CHST9: variants seen among roughly 807,000 people sequenced by gnomAD.
CHST9 encodes GalNAc-4-sulfotransferase 2.
A neutral mutation model predicts 44.4 loss-of-function variants in CHST9; 41 were observed. The ratio of observed to expected loss-of-function variants is 0.92; its 90% CI spans 0.72 to 1.20. The LOEUF is 1.20. Ranked by LOEUF, CHST9 falls within the 50% of genes most tolerant of loss-of-function variation. The pLI, the probability that CHST9 is intolerant of heterozygous loss-of-function variation, is 0.00. For synonymous variants in CHST9, 171 were observed against 178.4 expected, an observed-to-expected ratio of 0.96 and a Z score of 0.33; for missense variants, 504 against 516.5, an observed-to-expected ratio of 0.98 and a Z score of 0.23.
intron 2 of CHST9, among the ~76,000 whole-genome samples, chr18:27,085,849 C>G (rs1162478496): frequency 6.6e-6 from 1 of 152,102 alleles, no homozygotes; most frequent in East Asian, 1.9e-4. Context: ...TTCACACTAG[C>G]AAAGACATGA....
In CHST9 at chr18:26,946,071, G is replaced by A. The variant is rs371985289; in HGVS notation, c.203-1705C>T. On this transcript the variant is annotated intron_variant, in intron 4 of 5. Coordinates refer to ENST00000618847, the MANE Select transcript of CHST9 (RefSeq NM_031422.6). Reference sequence around the variant, plus strand: ...GATGCCTGGGGCCAGTCTCAGACTCGCCAGATAATAAGAATCAATTTTCTT... The same window carrying A: ...GATGCCTGGGGCCAGTCTCAGACTCACCAGATAATAAGAATCAATTTTCTT... Among the ~76,000 whole-genome samples the A allele has an allele frequency of 2.4e-4, 36 of 152,230 alleles. No homozygotes were observed. In the East Asian group the frequency reaches 5.4e-3, roughly 23 times the overall value.
In CHST9 at chr18:27,020,074, G is replaced by T. The variant is rs8094555; in HGVS notation, c.202+4042C>A. On this transcript the variant is annotated intron_variant, in intron 4 of 5. Coordinates refer to ENST00000618847, the MANE Select transcript of CHST9 (RefSeq NM_031422.6). ...GCAGAAATAAAATGGGAGTTGTAGA[G>T]GGCACTGGCGGGGGTGGGTGTCTGG... is the stretch of plus-strand genomic sequence containing the variant. Among the ~76,000 whole-genome samples the T allele has an allele frequency of 7.8e-3, 1,183 of 152,324 alleles. 19 individuals are homozygous for T. The highest frequency in any genetic ancestry group is 0.027 in the African/African-American group (1,127 of 41,564).
intron 2 of CHST9, among the ~76,000 whole-genome samples, chr18:27,079,731 T>C (rs1447580644): frequency 6.6e-6 from 1 of 152,032 alleles, no homozygotes. Flanking sequence ...CTACCGTGAG[T>C]GGGCAGGGTT....
chr18:27,106,057 A>G (rs1673693314), intron 2 of CHST9, among the ~76,000 whole-genome samples: 1 of 152,202 alleles, frequency 6.6e-6, no homozygotes, highest in Non-Finnish European at 1.5e-5. Context: ...GTGTAGAGGA[A>G]GAATGTAACT....
intron 1 of CHST9, among the ~76,000 whole-genome samples, chr18:27,146,822 G>T (rs1421969926): frequency 1.3e-5 from 2 of 152,040 alleles, no homozygotes; most frequent in Non-Finnish European, 2.9e-5. Context: ...AGATAGGGTC[G>T]ATGTTTCTTT....
Position 27,145,637 on chromosome 18 carries a change from G to C in CHST9, c.-96-2732C>G, listed in dbSNP as rs373781460. ...TTTAACATTTCACTAGTGCTTTTGA[G>C]GATTTCAGACATTTCCTTGATTCAG... On this transcript the variant is annotated intron_variant, in intron 1 of 5. Transcript: ENST00000618847. 7.9e-5 allele frequency among the ~76,000 whole-genome samples: 12 copies of C among 152,248 alleles called. No individual in the cohort carries two copies. The South Asian group carries it at 2.3e-3, about 29-fold the overall frequency.
chr18:27,040,161 C>T (rs1033526466), intron 3 of CHST9, among the ~76,000 whole-genome samples: 8 of 152,024 alleles, frequency 5.3e-5, no homozygotes, highest in East Asian at 1.9e-4. Flanking sequence ...CTAGGGTAGA[C>T]GGACATTTGC....
At chr18:26,925,873 GT>G (rs1222490101) in intron 5 of CHST9, 5 of 152,032 alleles carry the variant, frequency 3.3e-5, no homozygotes, top group Non-Finnish European at 5.9e-5. Flanking sequence ...GTAAGTATTT[GT>G]TTTTTATTCT....
intron 5 of CHST9, among the ~76,000 whole-genome samples, chr18:26,927,764 A>T (rs1261933708): frequency 1.3e-5 from 2 of 150,142 alleles, no homozygotes; most frequent in Admixed American, 6.7e-5. Context: ...CCTTCCTCTT[A>T]TCTCAACTGC....
intron 2 of CHST9, among the ~76,000 whole-genome samples, chr18:27,101,355 G>T (rs2058169351): frequency 6.6e-6 from 1 of 152,134 alleles, no homozygotes; most frequent in Admixed American, 6.5e-5. Flanking sequence ...ACTTTGGGAG[G>T]CCGAGGCGGG....
At chr18:26,991,677 A>ATACC (rs2056818594) in intron 4 of CHST9, among the ~76,000 whole-genome samples, 1 of 67,068 alleles carries the variant, frequency 1.5e-5, no homozygotes, top group Non-Finnish European at 4.1e-5. Flanking sequence ...CCTGCCAGTG[A>ATACC]AAGCAGGAGA....
chr18:27,012,199 C>A (rs1479667526), intron 4 of CHST9, among the ~76,000 whole-genome samples: 1 of 152,100 alleles, frequency 6.6e-6, no homozygotes, highest in Non-Finnish European at 1.5e-5. Flanking sequence ...TAGGGGGGAG[C>A]CAACCCCCCT....
At chr18:27,037,582 A>C (rs1016421077) in intron 3 of CHST9, among the ~76,000 whole-genome samples, 3 of 152,142 alleles carry the variant, frequency 2.0e-5, no homozygotes, top group Admixed American at 6.5e-5. Context: ...TGTCCTTGCT[A>C]CTCAGGAGGC....
At chr18:27,009,143 A>C (rs2057053410) in intron 4 of CHST9, among the ~76,000 whole-genome samples, 1 of 152,088 alleles carries the variant, frequency 6.6e-6, no homozygotes, top group Non-Finnish European at 1.5e-5. Flanking sequence ...AACAATCTGT[A>C]ACTCGGATTC....
At chr18:27,180,875 G>T (rs186665514) in intron 1 of CHST9, among the ~76,000 whole-genome samples, 2 of 151,982 alleles carry the variant, frequency 1.3e-5, no homozygotes, top group Admixed American at 1.3e-4. Flanking sequence ...TATCCTGTGG[G>T]TCTCAATTAT....
At chr18:26,941,886 G>A (rs1232012046) in intron 5 of CHST9, among the ~76,000 whole-genome samples, 1 of 152,180 alleles carries the variant, frequency 6.6e-6, no homozygotes. Context: ...GCTGGATATT[G>A]GCCAGCAGGC....
Position 26,916,559 on chromosome 18 carries a change from TACTGG to T in CHST9, c.1027_1031del (p.Pro343ArgfsTer21). On this transcript the variant is annotated frameshift_variant, in exon 6 of 6. Transcript: ENST00000618847. LOFTEE classifies it high-confidence loss of function. ...CCTTTTCCCAGTGAATGTCCATTCC[TACTGG>T]ACGGTGGGAATCCAGCAAGTAGTGG... is the stretch of plus-strand genomic sequence containing the variant. 1 of 1,613,552 alleles carries T rather than the reference TACTGG, an allele frequency of 6.2e-7. No homozygotes were observed. Among genetic ancestry groups the T allele is most frequent in the Non-Finnish European group, 8.5e-7 (1 of 1,179,474 alleles).
chr18:26,920,518 T>C (rs1234383968), intron 5 of CHST9, among the ~76,000 whole-genome samples: 1 of 152,148 alleles, frequency 6.6e-6, no homozygotes, highest in Non-Finnish European at 1.5e-5. Context: ...CCACTCTACC[T>C]CCATTGCACT....
At position 27,108,142 on chromosome 18, in the gene CHST9, C is replaced by T. The variant is rs116767254; in HGVS notation, c.121+34547G>A. ...CCTATTCTACTTGTTTGCTGGGACA[C>T]CCACTAATTATTCCTTATTAGGCCT... On this transcript the variant is annotated intron_variant, in intron 2 of 5. Transcript: ENST00000618847. Among the ~76,000 whole-genome samples the T allele has an allele frequency of 4.9e-3, 748 of 152,180 alleles. 7 individuals are homozygous for T. The highest frequency in any genetic ancestry group is 0.017 in the African/African-American group (726 of 41,508).
Sources: gnomAD v4.1 joint callset for allele counts (sites outside exome capture counted in the v4.1 genomes callset) on GRCh38, gnomAD v4.1.1 for gene constraint, MANE v1.5 for transcripts, NCBI Gene and HGNC (gene_info 2026-07-23, HGNC 2026-07-21) for gene names.